Variants in GLIS3 observed in about 807,000 individuals in gnomAD.
GLIS3 encodes GLIS family zinc finger 3.
Under a neutral mutation model 78.6 loss-of-function variants are expected in GLIS3, and 53 were observed. That is an observed-to-expected ratio of 0.67 (90% confidence interval 0.54 to 0.85). GLIS3 has a LOEUF of 0.85. Ranked by LOEUF, GLIS3 falls within the 40% of genes least tolerant of loss-of-function variation. The probability of loss-of-function intolerance (pLI) is 0.00; values close to 1 mark genes in which losing one functional copy is unlikely to be tolerated. For synonymous variants in GLIS3, 684 were observed against 509.9 expected (o/e 1.34, Z -4.60); for missense variants, 1,703 against 1,231.1 (o/e 1.38, Z -5.74).
intron 2 of GLIS3, among the ~76,000 whole-genome samples, chr9:4,201,603 A>C (rs578132472): frequency 6.6e-6 from 1 of 152,222 alleles, no homozygotes; most frequent in Non-Finnish European, 1.5e-5. Flanking sequence ...CAAAGAATAC[A>C]ATACCCAGGA....
At chr9:4,403,408 C>A in the GLIS3 span, among the ~76,000 whole-genome samples, 1 of 152,076 alleles carries the variant, frequency 6.6e-6, no homozygotes. Flanking sequence ...CAGAAAAACA[C>A]AGAATAATAT....
At chr9:3,834,879 C>T (rs537757986) in intron 9 of GLIS3, among the ~76,000 whole-genome samples, 1 of 152,322 alleles carries the variant, frequency 6.6e-6, no homozygotes, top group South Asian at 2.1e-4. Context: ...ATGTTCCCTT[C>T]TGAAGCAGCA....
At chr9:4,260,898 T>C (rs1384734055) in intron 2 of GLIS3, among the ~76,000 whole-genome samples, 1 of 152,240 alleles carries the variant, frequency 6.6e-6, no homozygotes, top group Non-Finnish European at 1.5e-5. Flanking sequence ...CGGTAGCCAC[T>C]AGCATATGTA....
the GLIS3 span, among the ~76,000 whole-genome samples, chr9:4,437,250 T>A: frequency 1.3e-5 from 2 of 152,212 alleles, no homozygotes; most frequent in Non-Finnish European, 2.9e-5. Context: ...GACCCCCAAC[T>A]GCATGAGGGT....
At chr9:4,356,078 G>C in the GLIS3 span, among the ~76,000 whole-genome samples, 1 of 152,166 alleles carries the variant, frequency 6.6e-6, no homozygotes, top group Admixed American at 6.5e-5. Context: ...TGAGCTGAGT[G>C]GTCTTGGCCA....
intron 7 of GLIS3, among the ~76,000 whole-genome samples, chr9:3,896,827 G>A (rs570436656): frequency 2.6e-5 from 4 of 152,238 alleles, no homozygotes; most frequent in African/African-American, 9.6e-5. Context: ...ACACTCCACT[G>A]ATGGCTGGAG....
intron 2 of GLIS3, among the ~76,000 whole-genome samples, chr9:4,214,267 G>A (rs1195743034): frequency 6.6e-6 from 1 of 152,200 alleles, no homozygotes; most frequent in Non-Finnish European, 1.5e-5. Context: ...GGAGGCAGTG[G>A]CAAAATTGAC....
In GLIS3 at chr9:4,313,306, C is replaced by G. The variant is rs1317893356; in HGVS notation, n.265-2778G>C. On this transcript the variant is annotated intron_variant and non_coding_transcript_variant, in intron 2 of 4. Transcript: ENST00000471664. ...CCCACAGGGATCTTAGTTTGAGCAG[C>G]TGTCTTCTTTCTCAGCCATTGCTGC... Among the ~76,000 whole-genome samples, 3 of 152,308 alleles carry G rather than the reference C, an allele frequency of 2.0e-5. No individual in the cohort carries two copies. In the East Asian group the frequency reaches 5.8e-4, roughly 29 times the overall value.
intron 9 of GLIS3, among the ~76,000 whole-genome samples, chr9:3,855,241 A>G (rs1256409626): frequency 2.0e-5 from 3 of 152,220 alleles, no homozygotes; most frequent in East Asian, 3.8e-4. Flanking sequence ...TTCTCTATGC[A>G]TATTCCCCAT....
At chr9:3,896,546 G>C (rs1822843744) in intron 7 of GLIS3, among the ~76,000 whole-genome samples, 1 of 151,620 alleles carries the variant, frequency 6.6e-6, no homozygotes, top group African/African-American at 2.4e-5. Flanking sequence ...CACACCTGTA[G>C]TCCCAGCTGC....
chr9:4,394,582 A>G, the GLIS3 span, among the ~76,000 whole-genome samples: 1 of 152,200 alleles, frequency 6.6e-6, no homozygotes, highest in African/African-American at 2.4e-5. Context: ...CCTGTAAGTC[A>G]GGTTAAGTAT....
intron 2 of GLIS3, among the ~76,000 whole-genome samples, chr9:4,205,326 C>A (rs866784531): frequency 2.0e-5 from 3 of 152,210 alleles, no homozygotes; most frequent in African/African-American, 7.2e-5. Flanking sequence ...GGATTTACAG[C>A]TCCAAGGCTA....
chr9:4,115,541 C>G (rs1198231524), intron 4 of GLIS3, among the ~76,000 whole-genome samples: 1 of 151,972 alleles, frequency 6.6e-6, no homozygotes, highest in African/African-American at 2.4e-5. Flanking sequence ...ACTTTAAAAA[C>G]CAGGTATTCT....
chr9:4,344,065 A>C (rs1170190169), intron 2 of GLIS3, among the ~76,000 whole-genome samples: 2 of 152,200 alleles, frequency 1.3e-5, no homozygotes, highest in Admixed American at 1.3e-4. Flanking sequence ...CCCTAAACCT[A>C]AAACTCAGAA....
At chr9:4,416,717 T>C in the GLIS3 span, among the ~76,000 whole-genome samples, 1 of 152,070 alleles carries the variant, frequency 6.6e-6, no homozygotes, top group African/African-American at 2.4e-5. Context: ...CAACCATTTT[T>C]CTTATTAAGG....
chr9:4,296,727 A>C (rs1194865141), intron 1 of GLIS3, among the ~76,000 whole-genome samples: 2 of 152,130 alleles, frequency 1.3e-5, no homozygotes, highest in Non-Finnish European at 1.5e-5. Flanking sequence ...AAAGAAAGCA[A>C]TTACAAACTA....
intron 6 of GLIS3, among the ~76,000 whole-genome samples, chr9:3,910,578 T>A (rs1227213974): frequency 2.0e-5 from 3 of 152,216 alleles, no homozygotes; most frequent in African/African-American, 7.2e-5. Flanking sequence ...CTCAAATTCC[T>A]GGACTCAAGC....
rs146792730 is a variant in GLIS3 at position 4,136,824 on chromosome 9, G to C, written c.389-10883C>G. 3.2e-4 allele frequency among the ~76,000 whole-genome samples: 49 copies of C among 152,310 alleles called. 1 individual carries two copies. Among genetic ancestry groups the C allele is most frequent in the Middle Eastern group, 6.8e-3 (2 of 294 alleles). On this transcript the variant is annotated intron_variant, in intron 2 of 10. Coordinates refer to ENST00000381971, the MANE Select transcript of GLIS3 (RefSeq NM_001042413.2). Reference sequence around the variant, plus strand: ...CCCTGAAGAACTGATTTAAAAGCTGGACATTACTTATCCAACAGTGGTTCA... The same window carrying C: ...CCCTGAAGAACTGATTTAAAAGCTGCACATTACTTATCCAACAGTGGTTCA...
At chr9:4,239,568 G>A (rs1587102426) in intron 2 of GLIS3, among the ~76,000 whole-genome samples, 3 of 152,270 alleles carry the variant, frequency 2.0e-5, no homozygotes, top group South Asian at 4.2e-4. Context: ...TATCAAGGTT[G>A]AGAACCACCA....
Sources: allele counts gnomAD v4.1 joint callset (sites outside exome capture counted in the v4.1 genomes callset), GRCh38; gene constraint gnomAD v4.1.1; transcripts MANE v1.5; gene names NCBI Gene and HGNC (gene_info 2026-07-23, HGNC 2026-07-21).